PPP1R26: variants seen among roughly 807,000 people sequenced by gnomAD.
PPP1R26 encodes 1A6/DRIM (down-regulated in metastasis) interacting protein.
In PPP1R26, 22 loss-of-function variants were observed where a neutral mutation model predicts 67.6. The observed-to-expected ratio is 0.33, with a 90% CI of 0.23 to 0.46. PPP1R26 has a LOEUF of 0.46. Among genes scored for constraint, PPP1R26 ranks in the 20% least tolerant of loss-of-function variants. The pLI is 1.00. For synonymous variants in PPP1R26, 729 were observed against 717.2 expected (o/e 1.02, Z -0.26); for missense variants, 1,602 against 1,651.4 (o/e 0.97, Z 0.52).
chr9:135,485,378 C>T lies in PPP1R26; in HGVS notation c.868C>T (p.Arg290Cys), dbSNP rs149000148. Residue 290 changes from arginine (R) to cysteine (C), a missense_variant, in exon 4 of 4, where the codon CGC (arginine) becomes TGC (cysteine). Physicochemically the swap from Arg to Cys is radical, Grantham distance 180. Coordinates refer to ENST00000356818, the MANE Select transcript of PPP1R26 (RefSeq NM_014811.5). The surrounding 1 kb of genome is among the most constrained non-coding windows in gnomAD (Gnocchi z 7.2). ...GGGCGTCCAGAAGGAGTTTGCCTTC[C>T]GCAAACCTCCCCGGTTAGCGAAGAT... Reference protein sequence around the residue: ...LLGVQKEFAFRKPPRLAKMNV... With the variant: ...LLGVQKEFAFCKPPRLAKMNV... 3.7e-5 allele frequency: 60 copies of T among 1,612,788 alleles called. No homozygotes were observed. The African/African-American group carries it at 4.1e-4, about 11-fold the overall frequency.
rs1335764492 is a variant in PPP1R26 at position 135,487,516 on chromosome 9, G to A, written c.3006G>A (p.Gly1002=). The A allele has an allele frequency of 6.2e-7, 1 of 1,604,176 alleles. No individual in the cohort carries two copies. The highest frequency in any genetic ancestry group is 8.5e-7 in the Non-Finnish European group (1 of 1,176,510). Residue 1002 remains glycine (G), a synonymous_variant, in exon 4 of 4, where the codon GGG becomes GGA. Transcript: ENST00000356818. ...GARGTFHMGC[G]SPSFLTPSPG... ...GAGGAACCTTTCACATGGGCTGCGGGAGCCCGAGCTTCCTGACCCCCAGCC... is the reference window on the plus strand; with the variant it reads ...GAGGAACCTTTCACATGGGCTGCGGAAGCCCGAGCTTCCTGACCCCCAGCC...
At position 135,485,285 on chromosome 9, in the gene PPP1R26, T is replaced by G; in HGVS notation, c.775T>G (p.Ser259Ala). Residue 259 changes from serine to alanine, a missense_variant, in exon 4 of 4, where the codon TCC (serine) becomes GCC (alanine). By Grantham distance (99) the Ser-to-Ala change is moderately conservative (BLOSUM62 1). This residue lies in a region of PPP1R26 where 680 missense variants were observed against 726.1 expected (regional missense o/e 0.94). Transcript: ENST00000356818. The surrounding 1 kb of genome is among the most constrained non-coding windows in gnomAD (Gnocchi z 7.2). The stretch of plus-strand genomic sequence containing the variant: ...GAAGAAACCAGACACAAATGAAAAT[T>G]CCGCCAAGTCACTCTTGAAATCCCA... ...VEKKPDTNENSAKSLLKSHQE... is the reference protein window; with the variant it reads ...VEKKPDTNENAAKSLLKSHQE... The G allele has an allele frequency of 6.2e-7, 1 of 1,612,862 alleles. No individual in the cohort carries two copies. The highest frequency in any genetic ancestry group is 8.5e-7 in the Non-Finnish European group (1 of 1,179,960).
At chr9:135,480,241 G>A (rs998536181) in intron 1 of PPP1R26, 2 of 151,910 alleles carry the variant, frequency 1.3e-5, no homozygotes, top group Non-Finnish European at 2.9e-5. Flanking sequence ...CTCGGCCCGC[G>A]CGCCCCGCGC....
At position 135,486,459 on chromosome 9, in the gene PPP1R26, A is replaced by T; in HGVS notation, c.1949A>T (p.Glu650Val). 6.2e-7 allele frequency: 1 copy of T among 1,613,066 alleles called. No homozygotes were observed. The highest frequency in any genetic ancestry group is 8.5e-7 in the Non-Finnish European group (1 of 1,179,868). ...QGKASEALGG[E>V]GTARGPGDTR... ...AAAGCCAGTGAGGCCCTGGGAGGGG[A>T]GGGCACCGCCAGGGGCCCTGGCGAC... Residue 650 changes from glutamate (E) to valine (V), a missense_variant, in exon 4 of 4, where the codon GAG (glutamate) becomes GTG (valine). Around this residue, in one of 5 missense-constraint regions of PPP1R26, gnomAD observed 680 missense variants for 726.1 expected, o/e 0.94. Transcript: ENST00000356818. This position sits in a 1 kb window ranked among gnomAD's most constrained non-coding sequence, Gnocchi z 6.2.
In PPP1R26 at chr9:135,486,007, A is replaced by G. The variant is rs2004074; in HGVS notation, c.1497A>G (p.Val499=). 0.25 allele frequency: 408,384 copies of G among 1,612,946 alleles called. 62,477 individuals are homozygous for G. Among genetic ancestry groups the G allele is most frequent in the East Asian group, 0.67 (30,121 of 44,850 alleles). Residue 499 remains valine, a synonymous_variant, in exon 4 of 4, where the codon GTA becomes GTG. Transcript: ENST00000356818. The surrounding 1 kb of genome is among the most constrained non-coding windows in gnomAD (Gnocchi z 6.2). Reference sequence around the variant, plus strand: ...CCAAGACGATCCTGCCGGCCCCTGTAGAGGGCAGTGACGGGTCCCTGTCCG... The same window carrying G: ...CCAAGACGATCCTGCCGGCCCCTGTGGAGGGCAGTGACGGGTCCCTGTCCG... ...DISKTILPAP[V]EGSDGSLSAS...
chr9:135,481,682 G>T (rs562555348), intron 1 of PPP1R26, among the ~76,000 whole-genome samples: 1 of 151,838 alleles, frequency 6.6e-6, no homozygotes, highest in African/African-American at 2.4e-5. Context: ...GCAGTGGCGC[G>T]ATCTCGGCTC....
At chr9:135,481,721 C>T (rs923521875) in intron 1 of PPP1R26, among the ~76,000 whole-genome samples, 3 of 151,954 alleles carry the variant, frequency 2.0e-5, no homozygotes, top group Non-Finnish European at 4.4e-5. Context: ...TGGGTTCAAG[C>T]AATTCTCCTG....
In PPP1R26 at chr9:135,487,852, C is replaced by A; in HGVS notation, c.3342C>A (p.Pro1114=). The change falls in exon 4 of 4, where the codon CCC becomes CCA. Residue 1114 remains proline, a synonymous_variant. Transcript: ENST00000356818. ...SPHLGLPLQG[P]SFSAFREAQA... ...ACCTGGGGCTGCCTCTGCAGGGCCCCTCCTTCTCGGCCTTCAGGGAGGCCC... is the reference window on the plus strand; with the variant it reads ...ACCTGGGGCTGCCTCTGCAGGGCCCATCCTTCTCGGCCTTCAGGGAGGCCC... 6.3e-7 allele frequency: 1 copy of A among 1,594,210 alleles called. No homozygotes were observed. The highest frequency in any genetic ancestry group is 1.1e-5 in the South Asian group (1 of 88,790).
rs1402744547 is a variant in PPP1R26, at chr9:135,485,094, G to C, written c.584G>C (p.Gly195Ala). 5 of 1,612,360 alleles carry C rather than the reference G, an allele frequency of 3.1e-6. No homozygotes were observed. The highest frequency in any genetic ancestry group is 1.1e-5 in the South Asian group (1 of 90,964). Residue 195 changes from glycine (G) to alanine (A), a missense_variant, in exon 4 of 4, where the codon GGT (glycine) becomes GCT (alanine). This residue lies in a region of PPP1R26 where 680 missense variants were observed against 726.1 expected (regional missense o/e 0.94). Coordinates refer to ENST00000356818, the MANE Select transcript of PPP1R26 (RefSeq NM_014811.5). This position sits in a 1 kb window ranked among gnomAD's most constrained non-coding sequence, Gnocchi z 7.2. The part of the protein sequence containing the change: ...LCPPKLVPGS[G>A]GGPGSQVGSS... ...CCCCCAAAACTTGTACCTGGATCAG[G>C]TGGTGGCCCCGGCAGCCAGGTGGGA...
In PPP1R26 at chr9:135,487,311, G is replaced by T; in HGVS notation, c.2801G>T (p.Gly934Val). 6.4e-7 allele frequency: 1 copy of T among 1,557,356 alleles called. No homozygotes were observed. The highest frequency in any genetic ancestry group is 8.7e-7 in the Non-Finnish European group (1 of 1,153,332). ...GGGCTCCCTGCTGCTCCTGCCCGAGGGGATCCGGTGCCGCCCAGGAGCACC... is the reference window on the plus strand; with the variant it reads ...GGGCTCCCTGCTGCTCCTGCCCGAGTGGATCCGGTGCCGCCCAGGAGCACC... ...GKGLPAAPAR[G>V]DPVPPRSTSG... The change falls in exon 4 of 4, where the codon GGG (glycine) becomes GTG (valine). Residue 934 changes from glycine to valine, a missense_variant. Around this residue, in one of 5 missense-constraint regions of PPP1R26, gnomAD observed 740 missense variants for 696.3 expected, o/e 1.06. Transcript: ENST00000356818.
At position 135,484,470 on chromosome 9, in the gene PPP1R26, T is replaced by C; in HGVS notation, c.-41T>C. On this transcript the variant is annotated 5_prime_UTR_variant, in exon 4 of 4. Transcript: ENST00000356818. ...CCAGGATGTGAAGCCGGTAGAGAAA[T>C]AAAGCATCGCCCCTCTGCGCGCCCC... The C allele has an allele frequency of 6.8e-7, 1 of 1,468,166 alleles. No individual in the cohort carries two copies. Among genetic ancestry groups the C allele is most frequent in the South Asian group, 1.3e-5 (1 of 76,538 alleles). 90.9% of individuals were successfully genotyped at this position (1,468,166 alleles called of 1,614,324 possible). A position where few individuals can be genotyped will look rare whatever the true frequency, so the allele number is the denominator to read the frequency against.
rs757416929 is a variant in PPP1R26, at chr9:135,485,602, C to T, written c.1092C>T (p.Ser364=). The T allele has an allele frequency of 4.3e-6, 7 of 1,612,974 alleles. No homozygotes were observed. The highest frequency in any genetic ancestry group is 5.1e-6 in the Non-Finnish European group (6 of 1,180,016). Reference sequence around the variant, plus strand: ...CGTCCGAGGCGTCCGACTCCAGCAGCGACGATGGCATTGAGGAGGCCATCC... The same window carrying T: ...CGTCCGAGGCGTCCGACTCCAGCAGTGACGATGGCATTGAGGAGGCCATCC... ...AQASEASDSS[S]DDGIEEAIQL... Residue 364 remains serine (S), a synonymous_variant, in exon 4 of 4, where the codon AGC becomes AGT. Coordinates refer to ENST00000356818, the MANE Select transcript of PPP1R26 (RefSeq NM_014811.5). The surrounding 1 kb of genome is among the most constrained non-coding windows in gnomAD (Gnocchi z 7.2).
At position 135,485,356 on chromosome 9, in the gene PPP1R26, C is replaced by A; in HGVS notation, c.846C>A (p.Gly282=). The change falls in exon 4 of 4, where the codon GGC becomes GGA. Residue 282 remains glycine, a synonymous_variant. Transcript: ENST00000356818. This position sits in a 1 kb window ranked among gnomAD's most constrained non-coding sequence, Gnocchi z 7.2. ...TGGTGCATCGGCAGGGCCTGCTGGGCGTCCAGAAGGAGTTTGCCTTCCGCA... is the reference window on the plus strand; with the variant it reads ...TGGTGCATCGGCAGGGCCTGCTGGGAGTCCAGAAGGAGTTTGCCTTCCGCA... The part of the protein sequence containing the change: ...TKVVHRQGLL[G]VQKEFAFRKP... 6.2e-7 allele frequency: 1 copy of A among 1,612,882 alleles called. No individual in the cohort carries two copies. The highest frequency in any genetic ancestry group is 8.5e-7 in the Non-Finnish European group (1 of 1,180,022).
rs202137956 is a variant in PPP1R26, at chr9:135,487,577, C to T, written c.3067C>T (p.Arg1023Cys). ...AERDAGAQAD[R>C]TPPWSDFAHQ... ...GAGGGACGCTGGAGCCCAGGCCGACCGCACACCGCCCTGGAGCGACTTCGC... is the reference window on the plus strand; with the variant it reads ...GAGGGACGCTGGAGCCCAGGCCGACTGCACACCGCCCTGGAGCGACTTCGC... Residue 1023 changes from arginine (R) to cysteine (C), a missense_variant, in exon 4 of 4, where the codon CGC becomes TGC. By Grantham distance (180) the Arg-to-Cys change is radical. Transcript: ENST00000356818. 693 of 1,534,282 alleles carry T rather than the reference C, an allele frequency of 4.5e-4. 3 individuals are homozygous for T. The African/African-American group carries it at 7.2e-3, about 16-fold the overall frequency.
In PPP1R26 at chr9:135,483,971, A is replaced by G. The variant is rs1830611176; in HGVS notation, c.-174A>G. ...CCAGGAGCTTGTCGGTTGGGTCAAGAATGAACCTACGCATGACGGCGTGCT... is the reference window on the plus strand; with the variant it reads ...CCAGGAGCTTGTCGGTTGGGTCAAGGATGAACCTACGCATGACGGCGTGCT... On this transcript the variant is annotated 5_prime_UTR_variant, in exon 3 of 4. Transcript: ENST00000356818. 1 of 399,400 alleles carries G rather than the reference A, an allele frequency of 2.5e-6. No homozygotes were observed. The highest frequency in any genetic ancestry group is 3.6e-5 in the East Asian group (1 of 28,070). The allele number at this position is 399,400 out of a possible 1,614,324, so 24.7% of individuals were successfully genotyped here.
chr9:135,488,225 C>G lies in PPP1R26; in HGVS notation c.*85C>G. The G allele has an allele frequency of 6.9e-7, 1 of 1,443,216 alleles. No homozygotes were observed. Among genetic ancestry groups the G allele is most frequent in the Non-Finnish European group, 9.1e-7 (1 of 1,098,126 alleles). 89.4% of individuals were successfully genotyped at this position (1,443,216 alleles called of 1,614,324 possible). A position where few individuals can be genotyped will look rare whatever the true frequency, so the allele number is the denominator to read the frequency against. On this transcript the variant is annotated 3_prime_UTR_variant, in exon 4 of 4. Transcript: ENST00000356818. ...GTGCGTGTGTGTGATGGTTCCGTGG[C>G]TGCAAGGAAGGGAAACAGTCTATTA...
chr9:135,485,965 A>G lies in PPP1R26; in HGVS notation c.1455A>G (p.Glu485=). 1 of 1,613,348 alleles carries G rather than the reference A, an allele frequency of 6.2e-7. No homozygotes were observed. The highest frequency in any genetic ancestry group is 1.1e-5 in the South Asian group (1 of 91,084). Residue 485 remains glutamate, a synonymous_variant, in exon 4 of 4, where the codon GAA becomes GAG. Coordinates refer to ENST00000356818, the MANE Select transcript of PPP1R26 (RefSeq NM_014811.5). The surrounding 1 kb of genome is among the most constrained non-coding windows in gnomAD (Gnocchi z 7.2). ...CATCTGCTGAGCTGATGTGTGCAGA[A>G]GCAATCCTGGACATCTCCAAGACGA... ...ADTSAELMCA[E]AILDISKTIL...
In PPP1R26 at chr9:135,483,956, G is replaced by T; in HGVS notation, c.-189G>T. 5 of 399,040 alleles carry T rather than the reference G, an allele frequency of 1.3e-5. No individual in the cohort carries two copies. Among genetic ancestry groups the T allele is most frequent in the Non-Finnish European group, 2.2e-5 (5 of 226,378 alleles). 24.7% of individuals were successfully genotyped at this position (399,040 alleles called of 1,614,324 possible). On this transcript the variant is annotated 5_prime_UTR_variant, in exon 3 of 4. Coordinates refer to ENST00000356818, the MANE Select transcript of PPP1R26 (RefSeq NM_014811.5). ...ATACAACTTTCCGTTCCAGGAGCTTGTCGGTTGGGTCAAGAATGAACCTAC... is the reference window on the plus strand; with the variant it reads ...ATACAACTTTCCGTTCCAGGAGCTTTTCGGTTGGGTCAAGAATGAACCTAC...
Position 135,484,481 on chromosome 9 carries a change from C to G in PPP1R26, c.-30C>G, listed in dbSNP as rs983152198. On this transcript the variant is annotated 5_prime_UTR_variant, in exon 4 of 4. Transcript: ENST00000356818. ...AGCCGGTAGAGAAATAAAGCATCGC[C>G]CCTCTGCGCGCCCCTCCCCGTCTGC... is the stretch of plus-strand genomic sequence containing the variant. The G allele has an allele frequency of 2.0e-6, 3 of 1,507,178 alleles. No individual in the cohort carries two copies. The South Asian group carries it at 3.8e-5, about 19-fold the overall frequency. 93.4% of individuals were successfully genotyped at this position (1,507,178 alleles called of 1,614,324 possible). A position where few individuals can be genotyped will look rare whatever the true frequency, so the allele number is the denominator to read the frequency against.
Sources: gnomAD v4.1 joint callset for allele counts (sites outside exome capture counted in the v4.1 genomes callset) on GRCh38, gnomAD v4.1.1 for gene constraint, gnomAD v4.1.1 regional missense constraint, Gnocchi (gnomAD v3.1) non-coding constraint, MANE v1.5 for transcripts, NCBI Gene and HGNC (gene_info 2026-07-23, HGNC 2026-07-21) for gene names.